AMMECR1: variants seen among roughly 807,000 people sequenced by gnomAD.
The protein encoded by AMMECR1 is nuclear protein AMMECR1.
AMMECR1 carries 3 observed loss-of-function variants against 22.5 expected under a neutral mutation model. The observed-to-expected ratio is 0.13, with a 90% CI of 0.06 to 0.35. The LOEUF (loss-of-function observed/expected upper bound fraction) is 0.35, where lower values mean the gene tolerates loss of function less well. Ranked by LOEUF, AMMECR1 falls within the 10% of genes least tolerant of loss-of-function variation. The pLI, the probability that AMMECR1 is intolerant of heterozygous loss-of-function variation, is 1.00. For missense variants in AMMECR1, 235 were observed against 278.7 expected (o/e 0.84, Z 1.12); for synonymous variants, 130 against 116.7 (o/e 1.11, Z -0.74).
chrX:110,285,835 A>C (rs995501849), intron 1 of AMMECR1, among the ~76,000 whole-genome samples: 5 of 111,555 alleles, frequency 4.5e-5, no homozygotes, highest in African/African-American at 1.6e-4. Context: ...GGAAAAAAGA[A>C]AGTGTCCCAT....
chrX:110,201,507 G>A (rs773685416), intron 4 of AMMECR1, among the ~76,000 whole-genome samples: 1 of 111,886 alleles, frequency 8.9e-6, no homozygotes, highest in East Asian at 2.8e-4. Flanking sequence ...AATCATTCAA[G>A]TTTGTGTGCA....
At chrX:110,213,467 A>G (rs1489979994) in intron 3 of AMMECR1, among the ~76,000 whole-genome samples, 3 of 112,353 alleles carry the variant, frequency 2.7e-5, no homozygotes, top group Admixed American at 1.9e-4. Context: ...GTAATGTTCA[A>G]TTGTATGAAT....
intron 2 of AMMECR1, among the ~76,000 whole-genome samples, chrX:110,232,670 C>G (rs1449308268): frequency 2.7e-5 from 3 of 109,864 alleles, no homozygotes; most frequent in Non-Finnish European, 5.7e-5. Flanking sequence ...GTGGGCAGAT[C>G]ACAAGGTCAG....
intron 1 of AMMECR1, among the ~76,000 whole-genome samples, chrX:110,275,858 A>C (rs920437385): frequency 9.0e-6 from 1 of 111,592 alleles, no homozygotes; most frequent in African/African-American, 3.3e-5. Flanking sequence ...TAAATAATTA[A>C]AAAATTATAA....
At chrX:110,354,978 G>A (rs1280878772) in intron 2 of AMMECR1, among the ~76,000 whole-genome samples, 2 of 112,178 alleles carry the variant, frequency 1.8e-5, no homozygotes, top group Non-Finnish European at 3.8e-5. Context: ...AGACATAGGC[G>A]ACAAAAGCAA....
intron 1 of AMMECR1, among the ~76,000 whole-genome samples, chrX:110,286,247 G>A (rs1244354834): frequency 8.9e-6 from 1 of 111,737 alleles, no homozygotes; most frequent in African/African-American, 3.3e-5. Context: ...TCTGGAAATG[G>A]TCTGTTTTTA....
chrX:110,352,161 T>G (rs923478143), intron 2 of AMMECR1, among the ~76,000 whole-genome samples: 3 of 112,199 alleles, frequency 2.7e-5, no homozygotes, highest in African/African-American at 9.7e-5. Context: ...TTGTCTGGCA[T>G]TTTCTCAAAA....
chrX:110,380,746 CAT>C (rs1413418475), intron 2 of AMMECR1, among the ~76,000 whole-genome samples: 1 of 112,027 alleles, frequency 8.9e-6, no homozygotes, highest in Admixed American at 9.4e-5. Flanking sequence ...CAGAAAAAGA[CAT>C]ATAGACCAAT....
intron 1 of AMMECR1, among the ~76,000 whole-genome samples, chrX:110,296,771 T>C (rs1348843128): frequency 1.8e-5 from 2 of 111,284 alleles, no homozygotes; most frequent in Admixed American, 1.9e-4. Context: ...ATTCTCTTAC[T>C]TTCCTTTAAT....
intron 2 of AMMECR1, among the ~76,000 whole-genome samples, chrX:110,243,942 A>G (rs2067645688): frequency 8.9e-6 from 1 of 112,206 alleles, no homozygotes; most frequent in Admixed American, 9.4e-5. Context: ...AAATTCAGAA[A>G]AAGATAATCT....
At chrX:110,377,863 G>C (rs2068388329) in intron 2 of AMMECR1, among the ~76,000 whole-genome samples, 2 of 108,203 alleles carry the variant, frequency 1.8e-5, no homozygotes, top group African/African-American at 6.8e-5. Context: ...CAAAAAATTA[G>C]CCGGGCGTGG....
chrX:110,341,518 G>T (rs2068164089), intron 2 of AMMECR1, among the ~76,000 whole-genome samples: 2 of 112,026 alleles, frequency 1.8e-5, no homozygotes, highest in African/African-American at 6.5e-5. Context: ...TTTAAGTAGG[G>T]TGATGAAATC....
At chrX:110,348,019 T>C (rs1412915788) in intron 2 of AMMECR1, among the ~76,000 whole-genome samples, 3 of 112,606 alleles carry the variant, frequency 2.7e-5, no homozygotes, top group African/African-American at 9.7e-5. Flanking sequence ...TTAATTTTAA[T>C]TTCTCTTTTG....
intron 3 of AMMECR1, among the ~76,000 whole-genome samples, chrX:110,204,585 ATACT>A (rs982347393): frequency 1.8e-5 from 2 of 111,925 alleles, no homozygotes; most frequent in African/African-American, 6.5e-5. Flanking sequence ...CTGTGGCTAC[ATACT>A]AAGATTTTTA....
chrX:110,307,864 CTTTTTTT>C (rs1162615101), intron 1 of AMMECR1, among the ~76,000 whole-genome samples: 1,742 of 63,562 alleles, frequency 0.027, 53 homozygotes, highest in African/African-American at 0.1. Context: ...TTTTTTTTTT[CTTTTTTT>C]TTTTTTTTTT....
chrX:110,341,202 A>G lies in AMMECR1; in HGVS notation c.-147-23353T>C, dbSNP rs1338710895. On this transcript the variant is annotated intron_variant, in intron 2 of 7. Transcript: ENST00000372057. ...CCTGGAATCTGTTTGACTGTAACATAATCTGGTTTTGTGTACATAAAATTA... is the reference window on the plus strand; with the variant it reads ...CCTGGAATCTGTTTGACTGTAACATGATCTGGTTTTGTGTACATAAAATTA... Among the ~76,000 whole-genome samples the G allele has an allele frequency of 3.6e-5, 4 of 112,517 alleles. No homozygotes were observed. The East Asian group carries it at 1.1e-3, about 31-fold the overall frequency.
intron 2 of AMMECR1, among the ~76,000 whole-genome samples, chrX:110,334,017 G>T (rs760154576): frequency 9.0e-6 from 1 of 111,471 alleles, no homozygotes; most frequent in African/African-American, 3.3e-5. Context: ...GTTGTTGTCT[G>T]GTAGGAGTTC....
intron 2 of AMMECR1, among the ~76,000 whole-genome samples, chrX:110,385,331 T>C (rs764322412): frequency 8.9e-6 from 1 of 111,999 alleles, no homozygotes; most frequent in Non-Finnish European, 1.9e-5. Flanking sequence ...AAAAACAGCT[T>C]TATTGAGATA....
intron 3 of AMMECR1, among the ~76,000 whole-genome samples, chrX:110,212,618 C>T (rs1017245570): frequency 8.9e-6 from 1 of 112,153 alleles, no homozygotes; most frequent in Non-Finnish European, 1.9e-5. Flanking sequence ...CTTCACATTT[C>T]AGGTTAAAAT....
Sources: gnomAD v4.1 joint callset for allele counts (sites outside exome capture counted in the v4.1 genomes callset) on GRCh38, gnomAD v4.1.1 for gene constraint, MANE v1.5 for transcripts, NCBI Gene and HGNC (gene_info 2026-07-23, HGNC 2026-07-21) for gene names.